Variants in RHOF observed in about 807,000 individuals in gnomAD.
RHOF encodes the protein rho-related GTP-binding protein RhoF.
A neutral mutation model predicts 22.2 loss-of-function variants in RHOF; 21 were observed. The observed-to-expected ratio is 0.95, with a 90% CI of 0.67 to 1.36. The LOEUF is 1.36. Among genes scored for constraint, RHOF ranks in the 40% most tolerant of loss-of-function variants. RHOF has a pLI of 0.00. For synonymous variants in RHOF, 135 were observed against 131.2 expected (o/e 1.03, Z -0.20); for missense variants, 285 against 293.7 (o/e 0.97, Z 0.22).
At chr12:121,783,152 C>T (rs575014613) in intron 2 of RHOF, among the ~76,000 whole-genome samples, 4 of 150,936 alleles carry the variant, frequency 2.7e-5, no homozygotes, top group African/African-American at 7.3e-5. Flanking sequence ...GGCCACCCCC[C>T]GCCCCTACAC....
At chr12:121,788,665 C>A (rs1327418768) in intron 2 of RHOF, among the ~76,000 whole-genome samples, 1 of 152,156 alleles carries the variant, frequency 6.6e-6, no homozygotes, top group Admixed American at 6.5e-5. Flanking sequence ...TTGACGCCCA[C>A]ATTTCCCTCT....
chr12:121,783,324 C>CA (rs1223948552), intron 2 of RHOF, among the ~76,000 whole-genome samples: 3 of 149,150 alleles, frequency 2.0e-5, no homozygotes, highest in African/African-American at 5.0e-5. Context: ...TTGCCCCCCC[C>CA]CCCACCTTTT....
chr12:121,790,321 T>C (rs1003724675), intron 2 of RHOF, among the ~76,000 whole-genome samples: 1 of 152,244 alleles, frequency 6.6e-6, no homozygotes, highest in African/African-American at 2.4e-5. Context: ...GTGTGGCCCA[T>C]TGGGTTCTAG....
intron 2 of RHOF, among the ~76,000 whole-genome samples, chr12:121,786,166 C>T (rs1282457722): frequency 4.0e-5 from 6 of 151,892 alleles, no homozygotes; most frequent in African/African-American, 9.7e-5. Context: ...GTGATCCACC[C>T]GCCTCGGCCT....
chr12:121,791,228 C>T (rs891588372), intron 2 of RHOF, among the ~76,000 whole-genome samples: 4 of 152,132 alleles, frequency 2.6e-5, no homozygotes, highest in African/African-American at 9.7e-5. Flanking sequence ...CGGGTTCAAA[C>T]GATTCTCCTG....
At chr12:121,792,103 G>T (rs547137376) in intron 2 of RHOF, among the ~76,000 whole-genome samples, 1 of 132,190 alleles carries the variant, frequency 7.6e-6, no homozygotes, top group African/African-American at 3.4e-5. Flanking sequence ...CGGAATGGAG[G>T]GGGGCTCTGA....
At chr12:121,790,083 C>T (rs536147660) in intron 2 of RHOF, among the ~76,000 whole-genome samples, 4 of 152,334 alleles carry the variant, frequency 2.6e-5, no homozygotes, top group South Asian at 2.1e-4. Context: ...CTGAGCCCTG[C>T]GAGCCCCGTC....
At chr12:121,784,631 C>T (rs1270489314) in intron 2 of RHOF, among the ~76,000 whole-genome samples, 1 of 151,734 alleles carries the variant, frequency 6.6e-6, no homozygotes, top group Non-Finnish European at 1.5e-5. Context: ...ATAGGAAGAA[C>T]CTGAGAGTCA....
At chr12:121,790,017 A>G (rs1166003790) in intron 2 of RHOF, among the ~76,000 whole-genome samples, 1 of 152,214 alleles carries the variant, frequency 6.6e-6, no homozygotes, top group Non-Finnish European at 1.5e-5. Flanking sequence ...AGAGGATGTC[A>G]GGGCCCCGGT....
intron 4 of RHOF, chr12:121,780,571 G>C (rs1183863412): frequency 1.2e-5 from 6 of 513,942 alleles, no homozygotes; most frequent in Non-Finnish European, 2.1e-5. Context: ...ACCAGATCCT[G>C]GCTCCACTTC....
chr12:121,793,099 A>G (rs1398711547), intron 2 of RHOF, 53 bp downstream of exon 2: 2 of 1,467,676 alleles, frequency 1.4e-6, no homozygotes, highest in Non-Finnish European at 1.9e-6. Context: ...CCGGGAGGGG[A>G]AACCCTTCGG....
At chr12:121,786,225 T>C (rs1265803926) in intron 2 of RHOF, among the ~76,000 whole-genome samples, 4 of 151,486 alleles carry the variant, frequency 2.6e-5, no homozygotes, top group Non-Finnish European at 4.4e-5. Context: ...TGGCCTTTTT[T>C]CTGTATTTTT....
rs1874315453 is a variant in RHOF, at chr12:121,778,322, G to A, written c.*1176C>T. On this transcript the variant is annotated 3_prime_UTR_variant, in exon 5 of 5. Transcript: ENST00000267205. ...AAAAATTAGCCGGACGTGGTGGTGT[G>A]CGCATGTAGTCCCAGCTACTCAGGA... 1 of 152,048 alleles carries A rather than the reference G, an allele frequency of 6.6e-6. No homozygotes were observed. 9.4% of individuals were successfully genotyped at this position (152,048 alleles called of 1,614,324 possible). A position where few individuals can be genotyped will look rare whatever the true frequency, so the allele number is the denominator to read the frequency against.
Position 121,785,417 on chromosome 12 carries a change from CTTTACTTTTTTTTTTTTTTTT to C in RHOF, c.227-4246_227-4226del, listed in dbSNP as rs1036233285. 2.1e-4 allele frequency among the ~76,000 whole-genome samples: 19 copies of C among 90,842 alleles called. No homozygotes were observed. In the East Asian group the frequency reaches 2.2e-3, roughly 11 times the overall value. 59.6% of individuals were successfully genotyped at this position (90,842 alleles called of 152,430 possible). ...GACGTCTTCTCTCATTTCTTTTTTT[CTTTACTTTTTTTTTTTTTTTT>C]TTTTTGGAGACAGGGTCTTGCTCTG... On this transcript the variant is annotated intron_variant, in intron 2 of 4. Coordinates refer to ENST00000267205, the MANE Select transcript of RHOF (RefSeq NM_019034.3).
intron 2 of RHOF, among the ~76,000 whole-genome samples, chr12:121,783,568 C>T (rs1374447804): frequency 1.3e-5 from 2 of 152,106 alleles, no homozygotes; most frequent in African/African-American, 4.8e-5. Flanking sequence ...CTGCAACCTA[C>T]ACCTCCCAGG....
At chr12:121,787,909 A>AGG (rs60048337) in intron 2 of RHOF, among the ~76,000 whole-genome samples, 30 of 48,814 alleles carry the variant, frequency 6.1e-4, no homozygotes, top group African/African-American at 1.8e-3. Context: ...AAAAAAAAAA[A>AGG]GGGGGGGGGG....
intron 2 of RHOF, 114 bp from the exon 3 acceptor site, chr12:121,781,306 T>C (rs1874449284): frequency 3.4e-6 from 3 of 870,722 alleles, no homozygotes; most frequent in Admixed American, 4.8e-5. Context: ...AATTTCCTCA[T>C]CTATACAATG....
chr12:121,793,514 G>T lies in RHOF; in HGVS notation c.120C>A (p.Ser40Arg). ...GCCTCACCTCGGGGAAGGAGCCCTG[G>T]CTGTACACCATGAGCAGCGAGGTCT... ...CGKTSLLMVYSQGSFPEHYAP... is the reference protein window; with the variant it reads ...CGKTSLLMVYRQGSFPEHYAP... Residue 40 changes from serine to arginine, a missense_variant, in exon 1 of 5, where the codon AGC becomes AGA. By Grantham distance (110) the Ser-to-Arg change is moderately radical. Coordinates refer to ENST00000267205, the MANE Select transcript of RHOF (RefSeq NM_019034.3). 1 of 1,543,226 alleles carries T rather than the reference G, an allele frequency of 6.5e-7. No individual in the cohort carries two copies. Among genetic ancestry groups the T allele is most frequent in the Non-Finnish European group, 8.7e-7 (1 of 1,146,892 alleles).
intron 1 of RHOF, 69 bp from the exon 2 acceptor site, chr12:121,793,308 T>C: frequency 6.8e-7 from 1 of 1,470,190 alleles, no homozygotes. Context: ...CTGAATCCAC[T>C]GTCCACCCCC....
Sources: allele counts gnomAD v4.1 joint callset (sites outside exome capture counted in the v4.1 genomes callset), GRCh38; gene constraint gnomAD v4.1.1; transcripts MANE v1.5; gene names NCBI Gene and HGNC (gene_info 2026-07-23, HGNC 2026-07-21).